PASD1: variants seen among roughly 807,000 people sequenced by gnomAD.
PASD1 encodes the protein PAS domain containing repressor 1, also known as circadian clock protein PASD1.
PASD1 carries 13 observed loss-of-function variants against 58.8 expected under a neutral mutation model. The ratio of observed to expected loss-of-function variants is 0.22; its 90% CI spans 0.14 to 0.35. PASD1 has a LOEUF of 0.35. Ranked by LOEUF, PASD1 falls within the 10% of genes least tolerant of loss-of-function variation. The pLI is 1.00. For missense variants in PASD1, 734 were observed against 568.3 expected, an observed-to-expected ratio of 1.29 and a Z score of -2.96; for synonymous variants, 236 against 216.7, an observed-to-expected ratio of 1.09 and a Z score of -0.78.
chrX:151,575,352 A>G (rs2012988402), intron 1 of PASD1, among the ~76,000 whole-genome samples: 1 of 109,402 alleles, frequency 9.1e-6, no homozygotes, highest in African/African-American at 3.3e-5. Context: ...TCTTACCTTT[A>G]TTTTCAGTTA....
chrX:151,661,311 C>G (rs1356071846), intron 10 of PASD1, among the ~76,000 whole-genome samples: 1 of 111,902 alleles, frequency 8.9e-6, no homozygotes, highest in Admixed American at 9.5e-5. Context: ...CAAACTCATG[C>G]TATGATTAAA....
Position 151,625,444 on chromosome X carries a change from G to T in PASD1, c.547-4G>T, listed in dbSNP as rs759768256. The T allele has an allele frequency of 6.7e-6, 8 of 1,195,810 alleles. No homozygotes were observed. The highest frequency in any genetic ancestry group is 3.5e-5 in the African/African-American group (2 of 56,754). On this transcript the variant is annotated splice_polypyrimidine_tract_variant and splice_region_variant and intron_variant, in intron 7 of 15. Coordinates refer to ENST00000370357, the MANE Select transcript of PASD1 (RefSeq NM_173493.3). ...AATGTCTAAATATTTGAATTTTTCT[G>T]CAGCAACTTTACACTTCAAAGGCAG...
intron 11 of PASD1, among the ~76,000 whole-genome samples, chrX:151,665,571 G>A (rs1040352129): frequency 2.7e-5 from 3 of 111,428 alleles, no homozygotes; most frequent in Admixed American, 9.6e-5. Flanking sequence ...AGGGAAGAAT[G>A]GGAAGGGACA....
chrX:151,584,130 A>T lies in PASD1; in HGVS notation c.-27-17397A>T, dbSNP rs867812724. Among the ~76,000 whole-genome samples the T allele has an allele frequency of 2.7e-5, 3 of 111,684 alleles. No homozygotes were observed. In the South Asian group the frequency reaches 1.1e-3, roughly 43 times the overall value. On this transcript the variant is annotated intron_variant, in intron 1 of 15. Transcript: ENST00000370357. ...AATTCCCCTCTGAATCCCACAGTAG[A>T]CCACTCTCATTGGGAAGTGAAGGCT...
At chrX:151,615,059 G>A (rs2013621001) in intron 4 of PASD1, among the ~76,000 whole-genome samples, 1 of 111,463 alleles carries the variant, frequency 9.0e-6, no homozygotes, top group Admixed American at 9.6e-5. Context: ...GAATGTACGA[G>A]TATGATCCAC....
chrX:151,604,990 A>G (rs1489873193), intron 3 of PASD1, among the ~76,000 whole-genome samples: 6 of 112,131 alleles, frequency 5.4e-5, no homozygotes, highest in Non-Finnish European at 1.1e-4. Flanking sequence ...ACAAACACAA[A>G]CAAGTCTTCG....
At chrX:151,566,992 C>G (rs1269390887) in intron 1 of PASD1, among the ~76,000 whole-genome samples, 2 of 107,316 alleles carry the variant, frequency 1.9e-5, no homozygotes, top group Non-Finnish European at 3.8e-5. Flanking sequence ...TGTGGTGAGC[C>G]GAAATTGCAC....
Position 151,671,697 on chromosome X carries a change from T to C in PASD1, c.1355T>C (p.Val452Ala). Reference sequence around the variant, plus strand: ...CGGCCTCTCCCACATCCCAAGGACGTCAAGTGTTTCTGTGGTTTATCTTTA... The same window carrying C: ...CGGCCTCTCCCACATCCCAAGGACGCCAAGTGTTTCTGTGGTTTATCTTTA... ...VKRPLPHPKDVKCFCGLSLSN... is the reference protein window; with the variant it reads ...VKRPLPHPKDAKCFCGLSLSN... Residue 452 changes from valine to alanine, a missense_variant, in exon 13 of 16, where the codon GTC becomes GCC. By Grantham distance (64) the Val-to-Ala change is moderately conservative. Coordinates refer to ENST00000370357, the MANE Select transcript of PASD1 (RefSeq NM_173493.3). 1 of 1,210,630 alleles carries C rather than the reference T, an allele frequency of 8.3e-7. No homozygotes were observed. The highest frequency in any genetic ancestry group is 1.1e-6 in the Non-Finnish European group (1 of 894,338).
intron 9 of PASD1, among the ~76,000 whole-genome samples, chrX:151,659,034 T>G (rs1324811700): frequency 8.9e-6 from 1 of 112,576 alleles, no homozygotes; most frequent in East Asian, 2.8e-4. Context: ...ACTCTGCTCC[T>G]GTCTGTCTGT....
chrX:151,653,864 C>CTT (rs2014190915), intron 9 of PASD1, among the ~76,000 whole-genome samples: 6 of 25,491 alleles, frequency 2.4e-4, no homozygotes, highest in African/African-American at 6.9e-4. Flanking sequence ...CCCTCCCTCC[C>CTT]TCCCTCTTTC....
chrX:151,643,126 T>G (rs893591600), intron 8 of PASD1, among the ~76,000 whole-genome samples: 2 of 112,379 alleles, frequency 1.8e-5, no homozygotes. Flanking sequence ...GGTAAATCAG[T>G]ATATTTGGAT....
chrX:151,611,903 G>A (rs1400657514), intron 4 of PASD1, 150 bp downstream of exon 4: 6 of 386,582 alleles, frequency 1.6e-5, no homozygotes, highest in Middle Eastern at 1.4e-3. Flanking sequence ...GTGCCATGTT[G>A]GTGTGCTGCA....
At chrX:151,576,587 C>G (rs1237829512) in intron 1 of PASD1, among the ~76,000 whole-genome samples, 1 of 112,002 alleles carries the variant, frequency 8.9e-6, no homozygotes, top group African/African-American at 3.2e-5. Context: ...TCTAATTTCC[C>G]TCAGAGAATT....
intron 9 of PASD1, among the ~76,000 whole-genome samples, chrX:151,656,292 G>A (rs1180918782): frequency 1.8e-5 from 2 of 111,831 alleles, no homozygotes; most frequent in African/African-American, 6.5e-5. Context: ...GTAGCATGAT[G>A]CCTCCAGCTT....
intron 9 of PASD1, among the ~76,000 whole-genome samples, chrX:151,653,789 T>G (rs1357804187): frequency 2.2e-4 from 4 of 18,216 alleles, no homozygotes; most frequent in African/African-American, 5.7e-4. Flanking sequence ...TTTCTTTCTT[T>G]CTTTCTTTCT....
chrX:151,573,189 A>T lies in PASD1; in HGVS notation c.-28+9350A>T, dbSNP rs778284911. On this transcript the variant is annotated intron_variant, in intron 1 of 15. Transcript: ENST00000370357. The stretch of plus-strand genomic sequence containing the variant: ...ACTCACTCACTATGGAGAAGACAGC[A>T]CCAAGCCATGAAGGATCCACCCCCA... 9.9e-3 allele frequency among the ~76,000 whole-genome samples: 1,076 copies of T among 108,570 alleles called. 15 individuals carry two copies. The highest frequency in any genetic ancestry group is 0.034 in the African/African-American group (1,011 of 29,769). 94.3% of individuals were successfully genotyped at this position (108,570 alleles called of 115,157 possible). A position where few individuals can be genotyped will look rare whatever the true frequency, so the allele number is the denominator to read the frequency against.
Position 151,671,673 on chromosome X carries a change from G to A in PASD1, c.1331G>A (p.Arg444Gln), listed in dbSNP as rs200147315. Residue 444 changes from arginine (R) to glutamine (Q), a missense_variant, in exon 13 of 16, where the codon CGG becomes CAG. Arg to Gln is a conservative substitution (Grantham distance 43). Coordinates refer to ENST00000370357, the MANE Select transcript of PASD1 (RefSeq NM_173493.3). ...QQKQHAGQVK[R>Q]PLPHPKDVKC... The stretch of plus-strand genomic sequence containing the variant: ...AAACAACACGCTGGGCAAGTGAAGC[G>A]GCCTCTCCCACATCCCAAGGACGTC... 46 of 1,208,495 alleles carry A rather than the reference G, an allele frequency of 3.8e-5. No individual in the cohort carries two copies. Among genetic ancestry groups the A allele is most frequent in the Admixed American group, 1.1e-4 (5 of 45,832 alleles).
rs2014463662 is a variant in PASD1 at position 151,671,170 on chromosome X, T to C, written c.1204T>C (p.Leu402=). ...HDAIQNQQNA[L]ELMMDHLQKQ... is the part of the protein sequence containing the mutation. ...TGCCATCCAAAACCAGCAGAATGCA[T>C]TGGAATTGATGATGGATCACCTTCA... The change falls in exon 12 of 16, where the codon TTG becomes CTG. Residue 402 remains leucine, a synonymous_variant. Coordinates refer to ENST00000370357, the MANE Select transcript of PASD1 (RefSeq NM_173493.3). 1 of 1,211,112 alleles carries C rather than the reference T, an allele frequency of 8.3e-7. No homozygotes were observed.
At chrX:151,603,311 T>C (rs1368847688) in intron 2 of PASD1, among the ~76,000 whole-genome samples, 1 of 112,502 alleles carries the variant, frequency 8.9e-6, no homozygotes, top group Non-Finnish European at 1.9e-5. Context: ...AAGTACTATG[T>C]TAGACGTTGG....
Sources: gnomAD v4.1 joint callset for allele counts (sites outside exome capture counted in the v4.1 genomes callset) on GRCh38, gnomAD v4.1.1 for gene constraint, MANE v1.5 for transcripts, NCBI Gene and HGNC (gene_info 2026-07-23, HGNC 2026-07-21) for gene names.